Variants in DYRK1B observed in about 807,000 individuals in gnomAD.
DYRK1B encodes the protein dual specificity tyrosine-phosphorylation-regulated kinase 1B.
Under a neutral mutation model 57.1 loss-of-function variants are expected in DYRK1B, and 20 were observed. The ratio of observed to expected loss-of-function variants is 0.35; its 90% CI spans 0.25 to 0.51. DYRK1B has a LOEUF of 0.51. DYRK1B is among the 20% of genes least tolerant of loss of function. The pLI is 0.96. For synonymous variants in DYRK1B, 409 were observed against 384.7 expected (o/e 1.06, Z -0.74); for missense variants, 732 against 886.3 (o/e 0.83, Z 2.21).
In DYRK1B at chr19:39,826,808, A is replaced by G; in HGVS notation, c.1275T>C (p.Ala425=). 2 of 1,530,514 alleles carry G rather than the reference A, an allele frequency of 1.3e-6. No individual in the cohort carries two copies. The highest frequency in any genetic ancestry group is 1.8e-6 in the Non-Finnish European group (2 of 1,140,662). 94.8% of individuals were successfully genotyped at this position (1,530,514 alleles called of 1,614,324 possible). Residue 425 remains alanine (A), a synonymous_variant, in exon 9 of 11, where the codon GCT becomes GCC. Coordinates refer to ENST00000323039, the MANE Select transcript of DYRK1B (RefSeq NM_004714.3). The surrounding 1 kb of genome is among the most constrained non-coding windows in gnomAD (Gnocchi z 6.3). The part of the protein sequence containing the change: ...EPAARISPLG[A]LQHGFFRRTA... ...TGCGGCGGAAGAAGCCGTGCTGCAG[A>G]GCCCCCAGGGGGCTGATGCGGGCGG... is the stretch of plus-strand genomic sequence containing the variant.
At position 39,826,953 on chromosome 19, in the gene DYRK1B, T is replaced by C; in HGVS notation, c.1130A>G (p.Glu377Gly). 1 of 1,207,142 alleles carries C rather than the reference T, an allele frequency of 8.3e-7. No individual in the cohort carries two copies. Among genetic ancestry groups the C allele is most frequent in the Non-Finnish European group, 1.0e-6 (1 of 963,234 alleles). 74.8% of individuals were successfully genotyped at this position (1,207,142 alleles called of 1,614,324 possible). The change falls in exon 9 of 11, where the codon GAG becomes GGG. Residue 377 changes from glutamate to glycine, a missense_variant. Physicochemically the swap from Glu to Gly is moderately conservative, Grantham distance 98. Transcript: ENST00000323039. The surrounding 1 kb of genome is among the most constrained non-coding windows in gnomAD (Gnocchi z 6.3). ...YQGPGTRRLQEVLGVQTGGPG... is the reference protein window; with the variant it reads ...YQGPGTRRLQGVLGVQTGGPG... ...CCCGCCCGTCTGCACGCCCAGCACC[T>C]CCTGCAGCCGCCGTGTCCCGGGGCC...
At chr19:39,830,245 G>T in intron 4 of DYRK1B, 130 bp downstream of exon 4, 1 of 1,282,142 alleles carries the variant, frequency 7.8e-7, no homozygotes, top group Non-Finnish European at 1.1e-6. Context: ...CAGAAAAGGC[G>T]ACTGAGGCAC....
At chr19:39,833,207 C>A (rs1827997782) in intron 1 of DYRK1B, 3 of 985,656 alleles carry the variant, frequency 3.0e-6, no homozygotes, top group South Asian at 4.7e-5. Flanking sequence ...CCCCAAAAAA[C>A]CACCTCTTCT....
At chr19:39,829,440 G>A (rs916332439) in intron 5 of DYRK1B, among the ~76,000 whole-genome samples, 1 of 152,096 alleles carries the variant, frequency 6.6e-6, no homozygotes, top group African/African-American at 2.4e-5. Context: ...TGTTGGCCAG[G>A]ATGGTCTCGA....
In DYRK1B at chr19:39,826,921, C is replaced by G; in HGVS notation, c.1162G>C (p.Gly388Arg). The G allele has an allele frequency of 7.0e-7, 1 of 1,421,188 alleles. No homozygotes were observed. The highest frequency in any genetic ancestry group is 1.5e-5 in the African/African-American group (1 of 66,486). The allele number at this position is 1,421,188 out of a possible 1,614,324, so 88.0% of individuals were successfully genotyped here. A position where few individuals can be genotyped will look rare whatever the true frequency, so the allele number is the denominator to read the frequency against. The change falls in exon 9 of 11, where the codon GGC becomes CGC. Residue 388 changes from glycine to arginine, a missense_variant. Transcript: ENST00000323039. This position sits in a 1 kb window ranked among gnomAD's most constrained non-coding sequence, Gnocchi z 6.3. Reference protein sequence around the residue: ...VLGVQTGGPGGRRAGEPGHSP... With the variant: ...VLGVQTGGPGRRRAGEPGHSP... ...TGGCCCGGCTCCCCCGCCCGCCGGCCCCCGGGCCCGCCCGTCTGCACGCCC... is the reference window on the plus strand; with the variant it reads ...TGGCCCGGCTCCCCCGCCCGCCGGCGCCCGGGCCCGCCCGTCTGCACGCCC...
In DYRK1B at chr19:39,828,264, T is replaced by C. The variant is rs1968632142; in HGVS notation, c.807+33A>G. On this transcript the variant is annotated intron_variant, in intron 6 of 10. Transcript: ENST00000323039. This position sits in a 1 kb window ranked among gnomAD's most constrained non-coding sequence, Gnocchi z 4.3. ...GTTGGCTCTGCCCCACCCAAACTAC[T>C]AGCCGTGCTCCCAGGACCGGGCCGC... 1 of 1,604,506 alleles carries C rather than the reference T, an allele frequency of 6.2e-7. No individual in the cohort carries two copies. The highest frequency in any genetic ancestry group is 8.5e-7 in the Non-Finnish European group (1 of 1,175,006).
At chr19:39,832,197 GCACAAAGAGAACA>G (rs1193032484) in intron 1 of DYRK1B, among the ~76,000 whole-genome samples, 1 of 152,028 alleles carries the variant, frequency 6.6e-6, no homozygotes, top group Non-Finnish European at 1.5e-5. Context: ...GATTAAGGCA[GCACAAAGAGAACA>G]CATAAAAGAC....
At position 39,825,646 on chromosome 19, in the gene DYRK1B, G is replaced by A. The variant is rs1436362971; in HGVS notation, c.*69C>T. ...AATTCCAGTCAAGGAGAGAGATGAGGATGGGAGCCCAGGGCCCCCAGATGG... is the reference window on the plus strand; with the variant it reads ...AATTCCAGTCAAGGAGAGAGATGAGAATGGGAGCCCAGGGCCCCCAGATGG... On this transcript the variant is annotated 3_prime_UTR_variant, in exon 11 of 11. Coordinates refer to ENST00000323039, the MANE Select transcript of DYRK1B (RefSeq NM_004714.3). 2.1e-6 allele frequency: 3 copies of A among 1,454,938 alleles called. No homozygotes were observed. The highest frequency in any genetic ancestry group is 2.8e-6 in the Non-Finnish European group (3 of 1,073,856). 90.1% of individuals were successfully genotyped at this position (1,454,938 alleles called of 1,614,324 possible).
intron 5 of DYRK1B, among the ~76,000 whole-genome samples, chr19:39,829,479 G>A (rs542770393): frequency 4.6e-5 from 7 of 152,194 alleles, no homozygotes; most frequent in African/African-American, 1.7e-4. Context: ...CGCCCACCTC[G>A]GCCTCCAAAA....
At position 39,828,950 on chromosome 19, in the gene DYRK1B, G is replaced by A. The variant is rs1056962178; in HGVS notation, c.521-367C>T. On this transcript the variant is annotated intron_variant, in intron 5 of 10. Coordinates refer to ENST00000323039, the MANE Select transcript of DYRK1B (RefSeq NM_004714.3). This position sits in a 1 kb window ranked among gnomAD's most constrained non-coding sequence, Gnocchi z 4.3. ...AAGGATATACGTTTTCCTTTCAAAC[G>A]AAACCATTTTAAAATCCACTTGCTG... is the stretch of plus-strand genomic sequence containing the variant. 3.9e-5 allele frequency among the ~76,000 whole-genome samples: 6 copies of A among 152,036 alleles called. No individual in the cohort carries two copies. Among genetic ancestry groups the A allele is most frequent in the East Asian group, 1.9e-4 (1 of 5,186 alleles).
chr19:39,830,324 T>C, intron 4 of DYRK1B, 51 bp downstream of exon 4: 1 of 1,609,142 alleles, frequency 6.2e-7, no homozygotes, highest in Non-Finnish European at 8.5e-7. Context: ...ACTGGGTGTG[T>C]GATCAATGTT....
At chr19:39,830,808 C>T (rs1400976301) in intron 2 of DYRK1B, 25 bp from the exon 3 acceptor site, 2 of 1,596,214 alleles carry the variant, frequency 1.3e-6, no homozygotes, top group Admixed American at 3.5e-5. Context: ...GAGGGGTGGG[C>T]ACTGAGGACG....
intron 5 of DYRK1B, among the ~76,000 whole-genome samples, chr19:39,829,067 G>A (rs763865235): frequency 6.6e-5 from 10 of 152,184 alleles, no homozygotes; most frequent in Non-Finnish European, 1.0e-4. Flanking sequence ...TAACAGCTCT[G>A]GAGTCCACGA....
chr19:39,827,231 A>G (rs1968583484), intron 8 of DYRK1B, 54 bp downstream of exon 8: 1 of 1,552,080 alleles, frequency 6.4e-7, no homozygotes. Context: ...GAGAGCCCCA[A>G]GTGTGAGTGA....
intron 1 of DYRK1B, chr19:39,833,780 C>CA (rs1229249176): frequency 6.6e-6 from 1 of 152,354 alleles, no homozygotes; most frequent in African/African-American, 2.4e-5. Flanking sequence ...TGAGCCCAAA[C>CA]AAAGGGCGGG....
rs1968524169 is a variant in DYRK1B, at chr19:39,826,134, C to T, written c.1518+46G>A. On this transcript the variant is annotated intron_variant, in intron 10 of 10. Transcript: ENST00000323039. This position sits in a 1 kb window ranked among gnomAD's most constrained non-coding sequence, Gnocchi z 6.3. ...GGTGATGGAGACCCTGGTCTCTAAG[C>T]CCCAGGCACCACCACCCACCTCCAA... The T allele has an allele frequency of 2.5e-6, 4 of 1,572,810 alleles. No individual in the cohort carries two copies. The highest frequency in any genetic ancestry group is 3.4e-6 in the Non-Finnish European group (4 of 1,164,288).
chr19:39,829,926 C>G lies in DYRK1B; in HGVS notation c.474G>C (p.Leu158=), dbSNP rs771655733. The change falls in exon 5 of 11, where the codon CTG becomes CTC. Residue 158 remains leucine, a synonymous_variant. Transcript: ENST00000323039. ...FLNQAQIELR[L]LELMNQHDTE... ...TGTCATGCTGGTTCATCAGCTCCAGCAGCCGCAGCTCAATCTGGGCCTGGT... is the reference window on the plus strand; with the variant it reads ...TGTCATGCTGGTTCATCAGCTCCAGGAGCCGCAGCTCAATCTGGGCCTGGT... 1.2e-6 allele frequency: 2 copies of G among 1,614,096 alleles called. No homozygotes were observed. Among genetic ancestry groups the G allele is most frequent in the South Asian group, 1.1e-5 (1 of 91,080 alleles).
intron 2 of DYRK1B, 124 bp from the exon 3 acceptor site, chr19:39,830,907 C>A (rs1968782708): frequency 1.6e-6 from 2 of 1,223,636 alleles, no homozygotes; most frequent in Admixed American, 5.6e-5. Flanking sequence ...TTCCACCTGT[C>A]TAGGAAAGAA....
rs1968492066 is a variant in DYRK1B at position 39,825,668 on chromosome 19, A to G, written c.*47T>C. ...GAGGATGGGAGCCCAGGGCCCCCAG[A>G]TGGGGGAGGGTATGGCTTCAGGAGG... On this transcript the variant is annotated 3_prime_UTR_variant, in exon 11 of 11. Transcript: ENST00000323039. 6.6e-7 allele frequency: 1 copy of G among 1,517,948 alleles called. No individual in the cohort carries two copies. The highest frequency in any genetic ancestry group is 1.4e-5 in the African/African-American group (1 of 72,604). The allele number at this position is 1,517,948 out of a possible 1,614,324, so 94.0% of individuals were successfully genotyped here. A position where few individuals can be genotyped will look rare whatever the true frequency, so the allele number is the denominator to read the frequency against.
Sources: allele counts gnomAD v4.1 joint callset (sites outside exome capture counted in the v4.1 genomes callset), GRCh38; gene constraint gnomAD v4.1.1; non-coding constraint Gnocchi (gnomAD v3.1); transcripts MANE v1.5; gene names NCBI Gene and HGNC (gene_info 2026-07-23, HGNC 2026-07-21).